Variants in TUBGCP2 observed in about 807,000 individuals in gnomAD.
TUBGCP2 encodes the protein tubulin gamma complex component 2.
Under a neutral mutation model 92.2 loss-of-function variants are expected in TUBGCP2, and 55 were observed. The observed-to-expected ratio is 0.60, with a 90% CI of 0.48 to 0.75. The LOEUF (loss-of-function observed/expected upper bound fraction) is 0.75, where lower values mean the gene tolerates loss of function less well. Among genes scored for constraint, TUBGCP2 ranks in the 30% least tolerant of loss-of-function variants. TUBGCP2 has a pLI of 0.00. For missense variants in TUBGCP2, 1,093 were observed against 1,188.9 expected (o/e 0.92, Z 1.19); for synonymous variants, 533 against 505.2 (o/e 1.06, Z -0.74).
At chr10:133,281,529 C>A (rs1202552683) in intron 16 of TUBGCP2, 93 bp from the exon 17 acceptor site, 3 of 1,450,486 alleles carry the variant, frequency 2.1e-6, no homozygotes, top group African/African-American at 2.8e-5. Flanking sequence ...TGTCCTTTCC[C>A]TTCCCCTTTT....
At chr10:133,291,359 G>GA (rs1847300743) in intron 8 of TUBGCP2, among the ~76,000 whole-genome samples, 1 of 452 alleles carries the variant, frequency 2.2e-3, no homozygotes, top group Non-Finnish European at 3.6e-3. Context: ...GTCCCTCCGT[G>GA]TCCCCGTGTC....
chr10:133,294,340 G>A (rs916157404), intron 5 of TUBGCP2, among the ~76,000 whole-genome samples: 3 of 152,222 alleles, frequency 2.0e-5, no homozygotes, highest in South Asian at 2.1e-4. Flanking sequence ...CTGGGGGGCC[G>A]GGAGGAGCAC....
chr10:133,303,938 C>A (rs768739885), intron 1 of TUBGCP2, among the ~76,000 whole-genome samples: 1 of 152,220 alleles, frequency 6.6e-6, no homozygotes, highest in Non-Finnish European at 1.5e-5. Flanking sequence ...GTAGGGTGAG[C>A]CCACCCCTGG....
intron 6 of TUBGCP2, 123 bp from the exon 7 acceptor site, chr10:133,293,361 G>A: frequency 7.8e-7 from 1 of 1,289,584 alleles, no homozygotes; most frequent in Non-Finnish European, 1.1e-6. Flanking sequence ...ATCCCAGAGG[G>A]GAACTTTTGC....
chr10:133,285,014 C>T lies in TUBGCP2; in HGVS notation c.2024+71G>A, dbSNP rs1564935371. 9 of 1,525,752 alleles carry T rather than the reference C, an allele frequency of 5.9e-6. No homozygotes were observed. In the East Asian group the frequency reaches 9.1e-5, roughly 15 times the overall value. 94.5% of individuals were successfully genotyped at this position (1,525,752 alleles called of 1,614,324 possible). Reference sequence around the variant, plus strand: ...GTCTACCAGGAGGGCACAAGGGGGGCGCTGCACCACTGGGCAGAGTGCAGC... The same window carrying T: ...GTCTACCAGGAGGGCACAAGGGGGGTGCTGCACCACTGGGCAGAGTGCAGC... On this transcript the variant is annotated intron_variant, in intron 13 of 17. Coordinates refer to ENST00000252936, the MANE Select transcript of TUBGCP2 (RefSeq NM_006659.4). The surrounding 1 kb of genome is among the most constrained non-coding windows in gnomAD (Gnocchi z 6.8).
chr10:133,283,916 G>A lies in TUBGCP2; in HGVS notation c.2111C>T (p.Pro704Leu), dbSNP rs747333591. Residue 704 changes from proline to leucine, a missense_variant, in exon 14 of 18, where the codon CCG becomes CTG. This residue lies in a region of TUBGCP2 where 598 missense variants were observed against 675.5 expected (regional missense o/e 0.89). Coordinates refer to ENST00000252936, the MANE Select transcript of TUBGCP2 (RefSeq NM_006659.4). ...QYYMMFEVME[P>L]TWHILEKNLK... Reference sequence around the variant, plus strand: ...GTTTTTCTCCAGGATGTGCCAGGTCGGTTCCATCACTTCAAACATCATGTA... The same window carrying A: ...GTTTTTCTCCAGGATGTGCCAGGTCAGTTCCATCACTTCAAACATCATGTA... The A allele has an allele frequency of 9.3e-6, 15 of 1,614,062 alleles. No homozygotes were observed. The highest frequency in any genetic ancestry group is 5.3e-5 in the African/African-American group (4 of 74,938).
At chr10:133,299,890 C>A (rs1285768931) in intron 3 of TUBGCP2, 95 bp downstream of exon 3, 2 of 1,512,054 alleles carry the variant, frequency 1.3e-6, no homozygotes, top group Non-Finnish European at 1.8e-6. Flanking sequence ...CGAGGAAGAG[C>A]TGACAGGAAG....
At chr10:133,293,411 C>A (rs1847411557) in intron 6 of TUBGCP2, 151 bp downstream of exon 6, 1 of 1,179,636 alleles carries the variant, frequency 8.5e-7, no homozygotes, top group African/African-American at 1.5e-5. Flanking sequence ...TGGTGACTCA[C>A]AGACCCTCCA....
In TUBGCP2 at chr10:133,303,738, G is replaced by A. The variant is rs117428324; in HGVS notation, c.-39-758C>T. On this transcript the variant is annotated intron_variant, in intron 1 of 17. Coordinates refer to ENST00000252936, the MANE Select transcript of TUBGCP2 (RefSeq NM_006659.4). ...GGTACCCGTGACATCTCCTTTTCTT[G>A]CCCAAGCGTGGCTACCGACAGAGAC... Among the ~76,000 whole-genome samples, 1,495 of 152,198 alleles carry A rather than the reference G, an allele frequency of 9.8e-3. 13 individuals are homozygous for A. The highest frequency in any genetic ancestry group is 0.015 in the Non-Finnish European group (1,038 of 68,010).
chr10:133,302,972 T>C lies in TUBGCP2; in HGVS notation c.-31A>G, dbSNP rs763852047. ...TAGCTCTGAGGCACGAACATCACAA[T>C]ATGTTCTCCTATAGGTAAGAAGACA... is the stretch of plus-strand genomic sequence containing the variant. On this transcript the variant is annotated 5_prime_UTR_variant, in exon 2 of 18. The change creates a new upstream start codon in the 5' untranslated region. Coordinates refer to ENST00000252936, the MANE Select transcript of TUBGCP2 (RefSeq NM_006659.4). 11 of 1,613,012 alleles carry C rather than the reference T, an allele frequency of 6.8e-6. No individual in the cohort carries two copies. The Admixed American group carries it at 1.0e-4, about 15-fold the overall frequency.
At chr10:133,289,102 T>G in intron 9 of TUBGCP2, 82 bp from the exon 10 acceptor site, 1 of 1,483,228 alleles carries the variant, frequency 6.7e-7, no homozygotes, top group Non-Finnish European at 9.1e-7. Context: ...CAGGAGGCAG[T>G]GGAATGGACA....
chr10:133,283,317 T>A (rs574403093), intron 14 of TUBGCP2, 96 bp from the exon 15 acceptor site: 166 of 1,543,716 alleles, frequency 1.1e-4, no homozygotes, highest in Non-Finnish European at 1.2e-4. Context: ...TGCATTCCTG[T>A]TTACGCACTT....
chr10:133,307,765 G>A (rs778630326), intron 1 of TUBGCP2, among the ~76,000 whole-genome samples: 1 of 152,040 alleles, frequency 6.6e-6, no homozygotes, highest in Non-Finnish European at 1.5e-5. Context: ...AAAGAGAAAC[G>A]TATGGTTACA....
intron 11 of TUBGCP2, among the ~76,000 whole-genome samples, chr10:133,287,906 C>T (rs925360555): frequency 6.6e-6 from 1 of 152,216 alleles, no homozygotes; most frequent in Non-Finnish European, 1.5e-5. Context: ...CAGGCCCGGA[C>T]GAGGGCACTG....
chr10:133,289,657 G>A (rs553863866), intron 9 of TUBGCP2, among the ~76,000 whole-genome samples, 167 bp downstream of exon 9: 28 of 152,280 alleles, frequency 1.8e-4, no homozygotes, highest in Admixed American at 1.0e-3. Context: ...CAGCGCCGCA[G>A]CCCAGCCCAC....
rs770556932 is a variant in TUBGCP2 at position 133,292,648 on chromosome 10, C to A, written c.1065G>T (p.Thr355=). The A allele has an allele frequency of 6.2e-7, 1 of 1,614,042 alleles. No individual in the cohort carries two copies. The highest frequency in any genetic ancestry group is 1.1e-5 in the South Asian group (1 of 91,060). ...VDKGECLGGS[T]LSLLHDRSFS... is the part of the protein sequence containing the mutation. ...AGCTCCTGTCGTGGAGCAGGCTCAG[C>A]GTGGACCCCCCAAGACATTCGCCTT... Residue 355 remains threonine, a synonymous_variant, in exon 8 of 18, where the codon ACG becomes ACT. Coordinates refer to ENST00000252936, the MANE Select transcript of TUBGCP2 (RefSeq NM_006659.4).
intron 1 of TUBGCP2, 131 bp from the exon 2 acceptor site, chr10:133,303,111 C>T: frequency 1.3e-6 from 1 of 787,342 alleles, no homozygotes; most frequent in Non-Finnish European, 1.9e-6. Context: ...TGGCCTAGGG[C>T]CCCTCCCCCA....
intron 10 of TUBGCP2, 78 bp downstream of exon 10, chr10:133,288,762 C>A: frequency 1.4e-6 from 2 of 1,438,906 alleles, no homozygotes; most frequent in Non-Finnish European, 1.9e-6. Flanking sequence ...AGAAACCCAG[C>A]GATCTCAGCC....
In TUBGCP2 at chr10:133,293,257, G is replaced by A. The variant is rs577699780; in HGVS notation, c.825-19C>T. The A allele has an allele frequency of 6.8e-6, 11 of 1,610,952 alleles. No homozygotes were observed. In the South Asian group the frequency reaches 9.9e-5, roughly 14 times the overall value. On this transcript the variant is annotated intron_variant, in intron 6 of 17. Transcript: ENST00000252936. Reference sequence around the variant, plus strand: ...AATGAACCTGGAAGAAAAGCTGTCAGACTTCCTCAAAAAGGCAAGCTGCAG... The same window carrying A: ...AATGAACCTGGAAGAAAAGCTGTCAAACTTCCTCAAAAAGGCAAGCTGCAG...
Sources: allele counts gnomAD v4.1 joint callset (sites outside exome capture counted in the v4.1 genomes callset), GRCh38; gene constraint gnomAD v4.1.1; regional missense constraint gnomAD v4.1.1; non-coding constraint Gnocchi (gnomAD v3.1); transcripts MANE v1.5; gene names NCBI Gene and HGNC (gene_info 2026-07-23, HGNC 2026-07-21).